Variants in WDR70 observed in about 807,000 individuals in gnomAD.
The protein encoded by WDR70 is WD repeat-containing protein 70.
Under a neutral mutation model 88.6 loss-of-function variants are expected in WDR70, and 53 were observed. The ratio of observed to expected loss-of-function variants is 0.60; its 90% CI spans 0.48 to 0.75. The LOEUF (loss-of-function observed/expected upper bound fraction) is 0.75, where lower values mean the gene tolerates loss of function less well. Ranked by LOEUF, WDR70 falls within the 30% of genes least tolerant of loss-of-function variation. The pLI is 0.00. For missense variants in WDR70, 610 were observed against 823.2 expected, an observed-to-expected ratio of 0.74 and a Z score of 3.17; for synonymous variants, 280 against 270.0, an observed-to-expected ratio of 1.04 and a Z score of -0.36.
intron 9 of WDR70, among the ~76,000 whole-genome samples, chr5:37,541,968 A>G (rs1425918387): frequency 6.6e-6 from 1 of 152,192 alleles, no homozygotes; most frequent in African/African-American, 2.4e-5. Context: ...AGGGTTGCTA[A>G]CATTACTGCT....
chr5:37,604,940 A>G, intron 9 of WDR70, 124 bp from the exon 10 acceptor site: 1 of 821,410 alleles, frequency 1.2e-6, no homozygotes, highest in Non-Finnish European at 1.8e-6. Flanking sequence ...ATTTTATTTT[A>G]AAATAATTAT....
At chr5:37,621,554 T>C (rs498254) in intron 10 of WDR70, among the ~76,000 whole-genome samples, 89,836 of 151,974 alleles carry the variant, frequency 0.59, 27,166 homozygotes, top group African/African-American at 0.72. Context: ...TCATATGCTT[T>C]GCCCACTTTT....
intron 9 of WDR70, among the ~76,000 whole-genome samples, chr5:37,551,811 C>T (rs1297419143): frequency 7.9e-5 from 10 of 127,008 alleles, no homozygotes; most frequent in South Asian, 2.5e-4. Flanking sequence ...CTCACTCTGT[C>T]GCCCAGGCTA....
intron 17 of WDR70, among the ~76,000 whole-genome samples, chr5:37,741,137 C>A (rs1748460472): frequency 6.6e-6 from 1 of 152,002 alleles, no homozygotes; most frequent in South Asian, 2.1e-4. Context: ...ACCCTAGGCA[C>A]TGCTCTAGGT....
intron 10 of WDR70, among the ~76,000 whole-genome samples, chr5:37,696,882 AT>A (rs1746999739): frequency 6.6e-6 from 1 of 152,204 alleles, no homozygotes; most frequent in Non-Finnish European, 1.5e-5. Flanking sequence ...TAGAAGCAAC[AT>A]TAGAAGCAAA....
At chr5:37,612,482 A>G (rs1183274830) in intron 10 of WDR70, among the ~76,000 whole-genome samples, 1 of 152,110 alleles carries the variant, frequency 6.6e-6, no homozygotes, top group African/African-American at 2.4e-5. Flanking sequence ...TCATATTGTT[A>G]TGAGGATTGT....
At chr5:37,449,600 AAAATAAAAAATAAAAAAT>A (rs1561856834) in intron 7 of WDR70, among the ~76,000 whole-genome samples, 12 of 43,544 alleles carry the variant, frequency 2.8e-4, no homozygotes, top group Non-Finnish European at 7.1e-4. Context: ...CAAAAAAAAA[AAAATAAAAAATAAAAAAT>A]AAATAAATAA....
chr5:37,622,825 G>C (rs1447772656), intron 10 of WDR70, among the ~76,000 whole-genome samples: 2 of 151,940 alleles, frequency 1.3e-5, no homozygotes, highest in Non-Finnish European at 2.9e-5. Flanking sequence ...ACACCAACAT[G>C]GCACATGTAT....
At chr5:37,524,037 C>A (rs997765969) in intron 9 of WDR70, among the ~76,000 whole-genome samples, 16 of 152,128 alleles carry the variant, frequency 1.1e-4, no homozygotes, top group African/African-American at 3.9e-4. Flanking sequence ...GAGAATGGAA[C>A]CAAGTTGGAA....
chr5:37,707,948 A>AAAAAAAAATATAT (rs1561083728), intron 13 of WDR70, among the ~76,000 whole-genome samples: 2 of 33,776 alleles, frequency 5.9e-5, no homozygotes, highest in African/African-American at 1.0e-4. Flanking sequence ...AAAAAAAAAA[A>AAAAAAAAATATAT]ATATATATAT....
At chr5:37,441,724 A>G (rs984200288) in intron 6 of WDR70, among the ~76,000 whole-genome samples, 3 of 151,804 alleles carry the variant, frequency 2.0e-5, no homozygotes, top group African/African-American at 4.9e-5. Context: ...AGGCTGAGGC[A>G]GGAGAATCGC....
At chr5:37,518,792 G>A (rs576933297) in intron 9 of WDR70, among the ~76,000 whole-genome samples, 2 of 151,462 alleles carry the variant, frequency 1.3e-5, no homozygotes, top group South Asian at 2.1e-4. Context: ...AGATAAACAC[G>A]TGAACAAAGT....
intron 10 of WDR70, among the ~76,000 whole-genome samples, chr5:37,623,373 T>C (rs1311595322): frequency 1.3e-5 from 2 of 152,082 alleles, no homozygotes; most frequent in South Asian, 2.1e-4. Context: ...CTCAAACATA[T>C]AAAATCCATT....
At position 37,621,340 on chromosome 5, in the gene WDR70, T is replaced by C. The variant is rs78247453; in HGVS notation, c.1092+16102T>C. Reference sequence around the variant, plus strand: ...GAGATTAACTTCAGACAACGTAACATTAATCATTTAAAGCATACAGTCGTT... The same window carrying C: ...GAGATTAACTTCAGACAACGTAACACTAATCATTTAAAGCATACAGTCGTT... On this transcript the variant is annotated intron_variant, in intron 10 of 17. Transcript: ENST00000265107. Among the ~76,000 whole-genome samples, 281 of 152,190 alleles carry C rather than the reference T, an allele frequency of 1.8e-3. 1 individual carries two copies. The highest frequency in any genetic ancestry group is 6.5e-3 in the African/African-American group (269 of 41,560).
intron 8 of WDR70, among the ~76,000 whole-genome samples, chr5:37,488,995 C>T (rs143903431): frequency 2.0e-5 from 3 of 152,150 alleles, no homozygotes; most frequent in African/African-American, 4.8e-5. Context: ...TTAGGTAGGG[C>T]GCTTCAGCAT....
At chr5:37,613,348 A>C (rs1199521909) in intron 10 of WDR70, among the ~76,000 whole-genome samples, 1 of 152,174 alleles carries the variant, frequency 6.6e-6, no homozygotes, top group African/African-American at 2.4e-5. Context: ...GGATGAAGAG[A>C]ATTAGAGAGG....
intron 2 of WDR70, among the ~76,000 whole-genome samples, chr5:37,379,862 T>C (rs1748370576): frequency 6.6e-6 from 1 of 152,212 alleles, no homozygotes; most frequent in Non-Finnish European, 1.5e-5. Context: ...TAAAAATACG[T>C]AATTCGGTAG....
intron 10 of WDR70, among the ~76,000 whole-genome samples, chr5:37,616,679 T>A (rs1744354768): frequency 6.6e-6 from 1 of 152,214 alleles, no homozygotes; most frequent in Non-Finnish European, 1.5e-5. Context: ...TTTTGTTTTA[T>A]TTTTAGTTTG....
At chr5:37,603,520 G>C (rs917110955) in intron 9 of WDR70, among the ~76,000 whole-genome samples, 1 of 152,050 alleles carries the variant, frequency 6.6e-6, no homozygotes, top group African/African-American at 2.4e-5. Context: ...AAGAAAACAG[G>C]AAAAAACCTT....
Sources: allele counts gnomAD v4.1 joint callset (sites outside exome capture counted in the v4.1 genomes callset), GRCh38; gene constraint gnomAD v4.1.1; transcripts MANE v1.5; gene names NCBI Gene and HGNC (gene_info 2026-07-23, HGNC 2026-07-21).